PSD3: variants seen among roughly 807,000 people sequenced by gnomAD.
PSD3 encodes the protein PH and SEC7 domain-containing protein 3.
A neutral mutation model predicts 105.5 loss-of-function variants in PSD3; 49 were observed. The observed-to-expected ratio is 0.46, with a 90% CI of 0.37 to 0.59. The LOEUF is 0.59. Among genes scored for constraint, PSD3 ranks in the 20% least tolerant of loss-of-function variants. The probability of loss-of-function intolerance (pLI) is 0.00; values close to 1 mark genes in which losing one functional copy is unlikely to be tolerated. For missense variants in PSD3, 1,561 were observed against 1,263.8 expected (o/e 1.24, Z -3.57); for synonymous variants, 557 against 457.8 (o/e 1.22, Z -2.77).
chr8:18,872,189 A>C lies in PSD3; in HGVS notation c.675T>G (p.Thr225=). ...TCATTATCTGGGAAATCTCTGCCTG[A>C]GTGTCTCCAGTTAACAGCGCGGTGA... ...KDLTALLTGD[T]QAEISQIMNN... Residue 225 remains threonine, a synonymous_variant, in exon 3 of 16, where the codon ACT becomes ACG. Coordinates refer to ENST00000327040, the MANE Select transcript of PSD3 (RefSeq NM_015310.4). 1 of 1,614,196 alleles carries C rather than the reference A, an allele frequency of 6.2e-7. No individual in the cohort carries two copies. Among genetic ancestry groups the C allele is most frequent in the Non-Finnish European group, 8.5e-7 (1 of 1,180,028 alleles).
chr8:18,646,404 T>C (rs1808037516), intron 10 of PSD3, among the ~76,000 whole-genome samples: 1 of 152,100 alleles, frequency 6.6e-6, no homozygotes. Flanking sequence ...AAAAAGGAAA[T>C]TACCATGAGT....
intron 1 of PSD3, among the ~76,000 whole-genome samples, chr8:19,068,627 A>G (rs1829154576): frequency 6.6e-6 from 1 of 152,156 alleles, no homozygotes; most frequent in African/African-American, 2.4e-5. Flanking sequence ...TGGCAGGACA[A>G]AGAACTGACA....
chr8:18,773,651 T>C (rs954834075), intron 8 of PSD3, among the ~76,000 whole-genome samples: 4 of 152,194 alleles, frequency 2.6e-5, no homozygotes, highest in African/African-American at 4.8e-5. Flanking sequence ...TTCTGCAGCA[T>C]GGTTTGATAA....
intron 4 of PSD3, among the ~76,000 whole-genome samples, chr8:18,821,199 T>G (rs1216325844): frequency 2.0e-5 from 3 of 151,350 alleles, no homozygotes; most frequent in South Asian, 4.2e-4. Flanking sequence ...GACATTTAAT[T>G]CTAAAGTTTT....
intron 2 of PSD3, among the ~76,000 whole-genome samples, chr8:18,894,218 C>T (rs904348050): frequency 6.6e-6 from 1 of 152,190 alleles, no homozygotes. Flanking sequence ...TTTGTACTCC[C>T]AGGCTTTTGT....
rs1479509530 is a variant in PSD3, at chr8:18,632,823, A to G, written c.2217-17T>C. Reference sequence around the variant, plus strand: ...TCATCATCTCTAAAAGGGAGAAAGCACAAAGACTGAGTCAAGCACCTATCA... The same window carrying G: ...TCATCATCTCTAAAAGGGAGAAAGCGCAAAGACTGAGTCAAGCACCTATCA... On this transcript the variant is annotated splice_polypyrimidine_tract_variant and intron_variant, in intron 10 of 15. Transcript: ENST00000327040. The G allele has an allele frequency of 2.6e-6, 4 of 1,517,458 alleles. No individual in the cohort carries two copies. In the East Asian group the frequency reaches 6.8e-5, roughly 26 times the overall value. The allele number at this position is 1,517,458 out of a possible 1,614,324, so 94.0% of individuals were successfully genotyped here. A position where few individuals can be genotyped will look rare whatever the true frequency, so the allele number is the denominator to read the frequency against.
chr8:19,043,705 G>C (rs1437480811), intron 1 of PSD3, among the ~76,000 whole-genome samples: 3 of 152,110 alleles, frequency 2.0e-5, no homozygotes, highest in African/African-American at 7.2e-5. Flanking sequence ...TAATAAAAGG[G>C]CTTTTGAGAG....
chr8:18,833,072 T>C (rs1465594406), intron 4 of PSD3, among the ~76,000 whole-genome samples: 1 of 152,212 alleles, frequency 6.6e-6, no homozygotes. Flanking sequence ...ATGAATGTTA[T>C]TTTTAAAGAT....
intron 8 of PSD3, among the ~76,000 whole-genome samples, chr8:18,795,324 G>A (rs1028489751): frequency 3.9e-5 from 6 of 152,148 alleles, no homozygotes; most frequent in Admixed American, 1.3e-4. Context: ...GGCCCAGCCC[G>A]AGAAAGAGAG....
intron 4 of PSD3, among the ~76,000 whole-genome samples, chr8:18,822,287 T>C (rs1369037336): frequency 2.6e-5 from 4 of 152,140 alleles, no homozygotes; most frequent in East Asian, 1.9e-4. Flanking sequence ...GTATGATGCA[T>C]AGCCCTAAAT....
chr8:18,556,698 T>C (rs1255644374), intron 14 of PSD3, among the ~76,000 whole-genome samples: 1 of 152,210 alleles, frequency 6.6e-6, no homozygotes, highest in African/African-American at 2.4e-5. Context: ...GCAGCTAGCA[T>C]GGAAGCTGCA....
At chr8:18,805,007 G>T in intron 4 of PSD3, 109 bp from the exon 5 acceptor site, 1 of 936,076 alleles carries the variant, frequency 1.1e-6, no homozygotes, top group Non-Finnish European at 1.6e-6. Context: ...ACACTTAGAT[G>T]AGATCACTGT....
intron 9 of PSD3, among the ~76,000 whole-genome samples, chr8:18,755,762 T>A (rs1805986374): frequency 6.6e-6 from 1 of 152,066 alleles, no homozygotes; most frequent in Non-Finnish European, 1.5e-5. Context: ...GTAATTTTTT[T>A]TTTTTTTTAA....
chr8:18,797,455 T>A (rs891490912), intron 8 of PSD3, among the ~76,000 whole-genome samples: 7 of 152,186 alleles, frequency 4.6e-5, no homozygotes, highest in Admixed American at 1.3e-4. Context: ...ATGCTTCATC[T>A]AATCTCCTTA....
chr8:18,911,907 C>T (rs1294478842), intron 2 of PSD3, among the ~76,000 whole-genome samples: 2 of 152,172 alleles, frequency 1.3e-5, no homozygotes, highest in African/African-American at 4.8e-5. Context: ...TACACCGTAA[C>T]TTAATACACA....
rs887489343 is a variant in PSD3 at position 18,801,288 on chromosome 8, C to T, written c.2005G>A (p.Asp669Asn). 2.5e-6 allele frequency: 4 copies of T among 1,590,258 alleles called. No homozygotes were observed. Among genetic ancestry groups the T allele is most frequent in the African/African-American group, 2.7e-5 (2 of 74,260 alleles). The change falls in exon 7 of 16, where the codon GAT becomes AAT. Residue 669 changes from aspartate (D) to asparagine (N), a missense_variant. Physicochemically the swap from Asp to Asn is conservative, Grantham distance 23. Coordinates refer to ENST00000327040, the MANE Select transcript of PSD3 (RefSeq NM_015310.4). ...FSNRYFYCNP[D>N]TIASQDGVHC... The stretch of plus-strand genomic sequence containing the variant: ...AGATTACCTTGTGAAGCAATGGTAT[C>T]TGGGTTACAATAAAAATATCTATTG...
chr8:18,762,180 G>C (rs770761279), intron 9 of PSD3, among the ~76,000 whole-genome samples: 34 of 152,132 alleles, frequency 2.2e-4, no homozygotes, highest in Non-Finnish European at 3.4e-4. Flanking sequence ...CTCATGAATG[G>C]GTTAGCACTG....
intron 9 of PSD3, among the ~76,000 whole-genome samples, chr8:18,668,932 A>G (rs1799628877): frequency 6.6e-6 from 1 of 152,190 alleles, no homozygotes; most frequent in Admixed American, 6.5e-5. Flanking sequence ...CCTTCTTATT[A>G]GTTTATTTAA....
intron 10 of PSD3, among the ~76,000 whole-genome samples, chr8:18,655,280 G>C (rs1808806090): frequency 6.9e-6 from 1 of 145,572 alleles, no homozygotes; most frequent in Non-Finnish European, 1.5e-5. Flanking sequence ...AGTGAGCCGA[G>C]ATTGCGCCAC....
Sources: allele counts gnomAD v4.1 joint callset (sites outside exome capture counted in the v4.1 genomes callset), GRCh38; gene constraint gnomAD v4.1.1; transcripts MANE v1.5; gene names NCBI Gene and HGNC (gene_info 2026-07-23, HGNC 2026-07-21).